Variants in WIPI2 observed in about 807,000 individuals in gnomAD.
WIPI2 encodes WD repeat domain, phosphoinositide interacting 2.
A neutral mutation model predicts 52.3 loss-of-function variants in WIPI2; 28 were observed. The observed-to-expected ratio is 0.54, with a 90% CI of 0.40 to 0.73. The LOEUF is 0.73. Among genes scored for constraint, WIPI2 ranks in the 30% least tolerant of loss-of-function variants. The probability of loss-of-function intolerance (pLI) is 0.00; values close to 1 mark genes in which losing one functional copy is unlikely to be tolerated. For synonymous variants in WIPI2, 268 were observed against 245.0 expected, an observed-to-expected ratio of 1.09 and a Z score of -0.88; for missense variants, 506 against 602.9, an observed-to-expected ratio of 0.84 and a Z score of 1.68.
intron 1 of WIPI2, 176 bp downstream of exon 1, chr7:5,190,669 G>C: frequency 2.0e-6 from 1 of 504,126 alleles, no homozygotes; most frequent in Non-Finnish European, 3.1e-6. Flanking sequence ...CGCCCTCCAG[G>C]GAGACCCTCG....
At chr7:5,223,970 A>G (rs75913586) in intron 8 of WIPI2, among the ~76,000 whole-genome samples, 2 of 152,194 alleles carry the variant, frequency 1.3e-5, no homozygotes. Context: ...GATTCCTGTC[A>G]GGCCGTTCTT....
chr7:5,211,803 C>A (rs1207398430), intron 3 of WIPI2, among the ~76,000 whole-genome samples: 1 of 152,186 alleles, frequency 6.6e-6, no homozygotes, highest in East Asian at 1.9e-4. Context: ...AGATATCAGG[C>A]CTTACAGCTA....
At chr7:5,190,570 A>T in intron 1 of WIPI2, 77 bp downstream of exon 1, 3 of 1,299,070 alleles carry the variant, frequency 2.3e-6, no homozygotes, top group South Asian at 4.1e-5. Context: ...CTCGCTGCCA[A>T]GCTCGGCGGC....
intron 3 of WIPI2, among the ~76,000 whole-genome samples, chr7:5,205,511 G>A (rs764196119): frequency 6.6e-5 from 10 of 152,244 alleles, no homozygotes; most frequent in Non-Finnish European, 1.0e-4. Context: ...CTTTGCAGTT[G>A]GCCGTCACAC....
intron 7 of WIPI2, among the ~76,000 whole-genome samples, chr7:5,219,472 A>G (rs761243403): frequency 3.3e-5 from 5 of 151,618 alleles, no homozygotes; most frequent in Non-Finnish European, 7.4e-5. Context: ...TTTCTGGACT[A>G]TAAAGAGGAA....
Position 5,231,021 on chromosome 7 carries a change from G to T in WIPI2, c.*74G>T. On this transcript the variant is annotated 3_prime_UTR_variant, in exon 13 of 13. Transcript: ENST00000288828. ...AGAGGACTTTGTGCATTGCTGCTAT[G>T]AACTTTGACCTGAGTCGGGGGAGAG... The T allele has an allele frequency of 7.5e-7, 1 of 1,331,698 alleles. No homozygotes were observed. The highest frequency in any genetic ancestry group is 1.0e-6 in the Non-Finnish European group (1 of 969,866). 82.5% of individuals were successfully genotyped at this position (1,331,698 alleles called of 1,614,324 possible). A position where few individuals can be genotyped will look rare whatever the true frequency, so the allele number is the denominator to read the frequency against.
chr7:5,216,902 G>C (rs1562399659), intron 5 of WIPI2, 188 bp from the exon 6 acceptor site: 1 of 713,184 alleles, frequency 1.4e-6, no homozygotes, highest in East Asian at 2.7e-5. Context: ...TTAATCTCTT[G>C]ACAATACTGG....
chr7:5,212,714 C>T (rs748758750), intron 3 of WIPI2, among the ~76,000 whole-genome samples: 2 of 152,230 alleles, frequency 1.3e-5, no homozygotes, highest in Non-Finnish European at 2.9e-5. Context: ...GATAGGACCT[C>T]ACTATGTTGC....
chr7:5,231,765 A>C lies in WIPI2; in HGVS notation c.*818A>C, dbSNP rs1244883279. ...AACTGTGTGATTTTTTTTTTTTTTT[A>C]AGTAAAGTTTGTAGCTCCTCCCATG... On this transcript the variant is annotated 3_prime_UTR_variant, in exon 13 of 13. Coordinates refer to ENST00000288828, the MANE Select transcript of WIPI2 (RefSeq NM_015610.4). The C allele has an allele frequency of 1.3e-5, 2 of 154,540 alleles. No individual in the cohort carries two copies. Among genetic ancestry groups the C allele is most frequent in the African/African-American group, 5.1e-5 (2 of 39,174 alleles). The allele number at this position is 154,540 out of a possible 1,614,324, so 9.6% of individuals were successfully genotyped here.
At chr7:5,191,919 A>C (rs915662670) in intron 1 of WIPI2, among the ~76,000 whole-genome samples, 2 of 152,182 alleles carry the variant, frequency 1.3e-5, no homozygotes, top group Non-Finnish European at 2.9e-5. Flanking sequence ...ACCTCATCCA[A>C]CTACAGATGA....
Position 5,218,030 on chromosome 7 carries a change from C to T in WIPI2, c.669+16C>T. The T allele has an allele frequency of 6.2e-7, 1 of 1,613,818 alleles. No homozygotes were observed. Among genetic ancestry groups the T allele is most frequent in the Non-Finnish European group, 8.5e-7 (1 of 1,179,708 alleles). ...TTCGGAGAAGGTGAGTCTGCTTTTC[C>T]CCGGGGGAGCACTGGTGCCAAGGCG... On this transcript the variant is annotated intron_variant, in intron 7 of 12. Coordinates refer to ENST00000288828, the MANE Select transcript of WIPI2 (RefSeq NM_015610.4).
chr7:5,213,106 A>C (rs1782637288), intron 3 of WIPI2: 1 of 151,452 alleles, frequency 6.6e-6, no homozygotes, highest in African/African-American at 2.4e-5. Context: ...CCTTTCGTTG[A>C]CAGATCCTGG....
chr7:5,210,212 A>G (rs1160251967), intron 3 of WIPI2, among the ~76,000 whole-genome samples: 1 of 152,148 alleles, frequency 6.6e-6, no homozygotes, highest in Non-Finnish European at 1.5e-5. Context: ...CCTGGCCTGT[A>G]GCATAACTCC....
intron 11 of WIPI2, 81 bp downstream of exon 11, chr7:5,228,292 T>C: frequency 7.6e-7 from 1 of 1,309,408 alleles, no homozygotes; most frequent in Non-Finnish European, 1.0e-6. Context: ...GTTTGTTTAT[T>C]TCCTTGCAAA....
chr7:5,216,468 G>C (rs1782818213), intron 4 of WIPI2, 95 bp from the exon 5 acceptor site: 1 of 935,482 alleles, frequency 1.1e-6, no homozygotes, highest in Non-Finnish European at 1.7e-6. Flanking sequence ...GAAGGAATGA[G>C]AGCGTCATAG....
At chr7:5,210,916 G>A (rs1256388004) in intron 3 of WIPI2, among the ~76,000 whole-genome samples, 1 of 151,644 alleles carries the variant, frequency 6.6e-6, no homozygotes, top group Non-Finnish European at 1.5e-5. Context: ...TTGAACTCGC[G>A]GCTCGCATAG....
chr7:5,216,374 G>T (rs764278073), intron 4 of WIPI2, 189 bp from the exon 5 acceptor site: 7 of 426,816 alleles, frequency 1.6e-5, no homozygotes, highest in Non-Finnish European at 3.0e-5. Context: ...AGAGGTTGCA[G>T]TGAGCCGAGA....
chr7:5,217,455 C>T, intron 6 of WIPI2: 1 of 451,698 alleles, frequency 2.2e-6, no homozygotes, highest in Non-Finnish European at 4.1e-6. Context: ...TGCAACACCA[C>T]ACCCAGCTAA....
At chr7:5,229,342 A>G in intron 11 of WIPI2, 1 of 309,122 alleles carries the variant, frequency 3.2e-6, no homozygotes, top group South Asian at 4.2e-5. Flanking sequence ...TAAATAGTGA[A>G]TCCTCGTTAT....
Sources: allele counts gnomAD v4.1 joint callset (sites outside exome capture counted in the v4.1 genomes callset), GRCh38; gene constraint gnomAD v4.1.1; transcripts MANE v1.5; gene names NCBI Gene and HGNC (gene_info 2026-07-23, HGNC 2026-07-21).